Variants in FOXJ3 observed in about 807,000 individuals in gnomAD.
The protein encoded by FOXJ3 is forkhead box J3.
Under a neutral mutation model 76.1 loss-of-function variants are expected in FOXJ3, and 22 were observed. The ratio of observed to expected loss-of-function variants is 0.29; its 90% confidence interval spans 0.21 to 0.41. The LOEUF (loss-of-function observed/expected upper bound fraction) is 0.41. Among genes scored for constraint, FOXJ3 ranks in the 10% least tolerant of loss-of-function variants. The pLI is 1.00. For missense variants in FOXJ3, 613 were observed against 762.1 expected, an observed-to-expected ratio of 0.80 and a Z score of 2.30; for synonymous variants, 269 against 261.2, an observed-to-expected ratio of 1.03 and a Z score of -0.29.
intron 6 of FOXJ3, among the ~76,000 whole-genome samples, chr1:42,202,206 T>C (rs893050247): frequency 2.0e-5 from 3 of 152,238 alleles, no homozygotes; most frequent in Admixed American, 2.0e-4. Context: ...TAGTGTACTT[T>C]TCAATTCAGA....
At chr1:42,295,973 C>T (rs1040524311) in intron 2 of FOXJ3, among the ~76,000 whole-genome samples, 2 of 152,192 alleles carry the variant, frequency 1.3e-5, no homozygotes, top group African/African-American at 2.4e-5. Context: ...GTCAGCAGTG[C>T]GTAAGCACTG....
In FOXJ3 at chr1:42,263,930, CTTTTTTTTTTTTT is replaced by C. The variant is rs61375062; in HGVS notation, c.444+1172_444+1184del. On this transcript the variant is annotated intron_variant, in intron 4 of 12. Coordinates refer to ENST00000361346, the MANE Select transcript of FOXJ3 (RefSeq NM_014947.5). ...AAAAGAGACCATATGAGTAGGTTAA[CTTTTTTTTTTTTT>C]TTTTTTTTTTTTTTTGAAGATTGCT... is the stretch of plus-strand genomic sequence containing the variant. Among the ~76,000 whole-genome samples, 62 of 71,462 alleles carry C rather than the reference CTTTTTTTTTTTTT, an allele frequency of 8.7e-4. 1 individual carries two copies. Among genetic ancestry groups the C allele is most frequent in the East Asian group, 2.1e-3 (4 of 1,930 alleles). 46.9% of individuals were successfully genotyped at this position (71,462 alleles called of 152,430 possible).
At position 42,191,491 on chromosome 1, in the gene FOXJ3, T is replaced by C. The variant is rs762986913; in HGVS notation, c.1163A>G (p.His388Arg). The change falls in exon 9 of 13, where the codon CAT becomes CGT. Residue 388 changes from histidine to arginine, a missense_variant. Coordinates refer to ENST00000361346, the MANE Select transcript of FOXJ3 (RefSeq NM_014947.5). ...ACGCTGCGGATGCTGCGGTAAACCA[T>C]GCGGTCGATGGGGAGGATGTGGAGA... ...QPSPHPPHRP[H>R]GLPQHPQRSP... 3.7e-6 allele frequency: 6 copies of C among 1,613,758 alleles called. No individual in the cohort carries two copies. Among genetic ancestry groups the C allele is most frequent in the Non-Finnish European group, 4.2e-6 (5 of 1,179,924 alleles).
At chr1:42,234,112 T>C (rs1360873535) in intron 4 of FOXJ3, among the ~76,000 whole-genome samples, 1 of 152,160 alleles carries the variant, frequency 6.6e-6, no homozygotes. Flanking sequence ...TTATTCTTTT[T>C]TCTCTAAACT....
chr1:42,256,750 C>T (rs888627142), intron 4 of FOXJ3, among the ~76,000 whole-genome samples: 23 of 152,278 alleles, frequency 1.5e-4, no homozygotes, highest in Non-Finnish European at 2.2e-4. Context: ...GAAAGCATGT[C>T]CACAGAAAAC....
chr1:42,230,313 C>T (rs768444707), intron 4 of FOXJ3, among the ~76,000 whole-genome samples: 2 of 151,860 alleles, frequency 1.3e-5, no homozygotes, highest in Non-Finnish European at 2.9e-5. Context: ...CACTTTATAC[C>T]CACTAGCATG....
intron 4 of FOXJ3, among the ~76,000 whole-genome samples, chr1:42,246,118 A>C (rs1649533712): frequency 6.6e-6 from 1 of 152,202 alleles, no homozygotes; most frequent in South Asian, 2.1e-4. Context: ...TTTACGACTA[A>C]GACCTCAAAA....
At chr1:42,203,583 A>G (rs1646803384) in intron 6 of FOXJ3, among the ~76,000 whole-genome samples, 1 of 152,228 alleles carries the variant, frequency 6.6e-6, no homozygotes, top group Non-Finnish European at 1.5e-5. Flanking sequence ...ATAAACTACA[A>G]TATTTGTCCC....
intron 1 of FOXJ3, among the ~76,000 whole-genome samples, chr1:42,318,274 C>T (rs926870373): frequency 1.3e-5 from 2 of 152,166 alleles, no homozygotes; most frequent in Non-Finnish European, 2.9e-5. Context: ...GACATTTCTA[C>T]AAAGAAGATA....
intron 4 of FOXJ3, among the ~76,000 whole-genome samples, chr1:42,256,890 GAAAC>G (rs1203023004): frequency 4.6e-5 from 7 of 152,114 alleles, no homozygotes; most frequent in Non-Finnish European, 1.0e-4. Context: ...TTAACAATAA[GAAAC>G]AAACAAGTGA....
intron 3 of FOXJ3, among the ~76,000 whole-genome samples, chr1:42,275,482 G>A (rs1332909929): frequency 1.3e-5 from 2 of 152,018 alleles, no homozygotes; most frequent in East Asian, 1.9e-4. Context: ...GATCACTTGA[G>A]GCCAAGACCA....
intron 3 of FOXJ3, among the ~76,000 whole-genome samples, chr1:42,273,117 C>A (rs1362876740): frequency 1.3e-5 from 2 of 152,208 alleles, no homozygotes; most frequent in Non-Finnish European, 2.9e-5. Flanking sequence ...TACTACGTCA[C>A]ATACACAATG....
intron 3 of FOXJ3, among the ~76,000 whole-genome samples, chr1:42,266,932 G>A (rs576617733): frequency 1.3e-5 from 2 of 152,230 alleles, no homozygotes; most frequent in African/African-American, 2.4e-5. Context: ...CAGTACATAG[G>A]CAAAGATGTT....
chr1:42,272,724 C>A (rs975937469), intron 3 of FOXJ3, among the ~76,000 whole-genome samples: 2 of 152,166 alleles, frequency 1.3e-5, no homozygotes, highest in Admixed American at 1.3e-4. Context: ...ATGGATTTGG[C>A]ATTTTTAGGT....
At chr1:42,284,998 T>C (rs1432733494) in intron 2 of FOXJ3, among the ~76,000 whole-genome samples, 1 of 152,246 alleles carries the variant, frequency 6.6e-6, no homozygotes, top group Non-Finnish European at 1.5e-5. Flanking sequence ...TTTTGTTTAA[T>C]GTGTTATTTT....
At chr1:42,305,502 G>T (rs1159513952) in intron 2 of FOXJ3, among the ~76,000 whole-genome samples, 1 of 152,198 alleles carries the variant, frequency 6.6e-6, no homozygotes, top group Non-Finnish European at 1.5e-5. Context: ...AGCATCCTAA[G>T]TGTCCATCAA....
At chr1:42,237,523 T>C (rs553022607) in intron 4 of FOXJ3, among the ~76,000 whole-genome samples, 73 of 149,804 alleles carry the variant, frequency 4.9e-4, no homozygotes, top group Non-Finnish European at 8.0e-4. Context: ...TTTTTAATAT[T>C]CCGAATAACG....
intron 5 of FOXJ3, among the ~76,000 whole-genome samples, chr1:42,222,040 GAGAAGGAGAAGAAGAAGAAGAAGA>G (rs1647217521): frequency 3.3e-4 from 3 of 9,094 alleles, no homozygotes; most frequent in African/African-American, 9.3e-4. Context: ...GGAGGAGAAG[GAGAAGGAGAAGAAGAAGAAGAAGA>G]AGAAGAAGAA....
At chr1:42,242,512 G>A (rs1373406581) in intron 4 of FOXJ3, among the ~76,000 whole-genome samples, 1 of 147,062 alleles carries the variant, frequency 6.8e-6, no homozygotes, top group Non-Finnish European at 1.5e-5. Context: ...AGATCAAGCA[G>A]AAAGAAGAAT....
Sources: gnomAD v4.1 joint callset for allele counts (sites outside exome capture counted in the v4.1 genomes callset) on GRCh38, gnomAD v4.1.1 for gene constraint, MANE v1.5 for transcripts, NCBI Gene and HGNC (gene_info 2026-07-23, HGNC 2026-07-21) for gene names.